Variants in NFYB observed in about 807,000 individuals in gnomAD.
The protein encoded by NFYB is nuclear transcription factor Y subunit beta.
In NFYB, 13 loss-of-function variants were observed where a neutral mutation model predicts 28.0. The ratio of observed to expected loss-of-function variants is 0.46; its 90% CI spans 0.30 to 0.74. NFYB has a LOEUF of 0.74. Ranked by LOEUF, NFYB falls within the 30% of genes least tolerant of loss-of-function variation. The pLI, the probability that NFYB is intolerant of heterozygous loss-of-function variation, is 0.07. For synonymous variants in NFYB, 74 were observed against 75.0 expected (o/e 0.99, Z 0.07); for missense variants, 142 against 247.6 (o/e 0.57, Z 2.86).
chr12:104,128,818 A>G (rs895328095), intron 2 of NFYB, among the ~76,000 whole-genome samples: 4 of 152,122 alleles, frequency 2.6e-5, no homozygotes, highest in Admixed American at 6.5e-5. Flanking sequence ...GGCATGCACC[A>G]CCATGCCTGG....
In NFYB at chr12:104,134,341, C is replaced by T. The variant is rs191924395; in HGVS notation, c.6+1107G>A. 5.9e-5 allele frequency among the ~76,000 whole-genome samples: 9 copies of T among 152,274 alleles called. No homozygotes were observed. The East Asian group carries it at 1.5e-3, about 26-fold the overall frequency. On this transcript the variant is annotated intron_variant, in intron 2 of 7. Coordinates refer to ENST00000240055, the MANE Select transcript of NFYB (RefSeq NM_006166.4). ...ATTGGGAAATGAAATTCACCTTGCCCCATTCCCTGCAACGGGGAAAGGAGG... is the reference window on the plus strand; with the variant it reads ...ATTGGGAAATGAAATTCACCTTGCCTCATTCCCTGCAACGGGGAAAGGAGG...
intron 1 of NFYB, among the ~76,000 whole-genome samples, chr12:104,136,210 C>G (rs1455025391): frequency 6.6e-6 from 1 of 152,128 alleles, no homozygotes; most frequent in Non-Finnish European, 1.5e-5. Context: ...AATAGCTGAA[C>G]AAATTAGTAC....
At chr12:104,129,343 C>T (rs1360324549) in intron 2 of NFYB, among the ~76,000 whole-genome samples, 1 of 152,076 alleles carries the variant, frequency 6.6e-6, no homozygotes, top group Admixed American at 6.6e-5. Context: ...CTGGAATTCA[C>T]CTGTATCCAT....
intron 3 of NFYB, 136 bp from the exon 4 acceptor site, chr12:104,126,380 T>C: frequency 1.6e-6 from 1 of 607,228 alleles, no homozygotes; most frequent in Non-Finnish European, 2.5e-6. Context: ...GGATAGCAAG[T>C]CTCTTCATAA....
At chr12:104,137,001 T>C (rs777314004) in intron 1 of NFYB, among the ~76,000 whole-genome samples, 4 of 152,208 alleles carry the variant, frequency 2.6e-5, no homozygotes, top group Non-Finnish European at 5.9e-5. Context: ...GGAATTTTGG[T>C]TAAACTTTCA....
chr12:104,124,403 AC>A (rs1200236677), intron 4 of NFYB, among the ~76,000 whole-genome samples: 1 of 152,216 alleles, frequency 6.6e-6, no homozygotes, highest in East Asian at 1.9e-4. Context: ...TTGCAAAGCC[AC>A]TTGTAACAGC....
At chr12:104,125,821 CT>C (rs548007292) in intron 4 of NFYB, among the ~76,000 whole-genome samples, 63 of 138,558 alleles carry the variant, frequency 4.5e-4, no homozygotes, top group African/African-American at 1.6e-3. Flanking sequence ...GCACTCCAGC[CT>C]GGCCAATAAG....
At chr12:104,132,723 T>C (rs775250290) in intron 2 of NFYB, among the ~76,000 whole-genome samples, 65 of 151,464 alleles carry the variant, frequency 4.3e-4, no homozygotes, top group Non-Finnish European at 8.4e-4. Context: ...GGGAGGGGAG[T>C]GCTGGACAGT....
At chr12:104,135,861 A>C (rs2031080440) in intron 1 of NFYB, among the ~76,000 whole-genome samples, 1 of 152,224 alleles carries the variant, frequency 6.6e-6, no homozygotes, top group Non-Finnish European at 1.5e-5. Context: ...AAATTATATA[A>C]TATGCAAGAG....
At chr12:104,131,175 C>T (rs1281546331) in intron 2 of NFYB, 1 of 152,222 alleles carries the variant, frequency 6.6e-6, no homozygotes, top group Non-Finnish European at 1.5e-5. Flanking sequence ...GCATTAGCCT[C>T]GCTAAACCTC....
chr12:104,137,867 G>A (rs992169791), intron 1 of NFYB: 1 of 146,848 alleles, frequency 6.8e-6, no homozygotes, highest in African/African-American at 2.4e-5. Context: ...ACGGCGGCGA[G>A]GGTGAGGTGG....
At position 104,119,563 on chromosome 12, in the gene NFYB, A is replaced by C. The variant is rs1253365017; in HGVS notation, c.*174T>G. 70 of 493,964 alleles carry C rather than the reference A, an allele frequency of 1.4e-4. No homozygotes were observed. In the East Asian group the frequency reaches 2.1e-3, roughly 15 times the overall value. The allele number at this position is 493,964 out of a possible 1,614,324, so 30.6% of individuals were successfully genotyped here. A position where few individuals can be genotyped will look rare whatever the true frequency, so the allele number is the denominator to read the frequency against. On this transcript the variant is annotated 3_prime_UTR_variant, in exon 8 of 8. Transcript: ENST00000240055. ...AATTTTTCTTTAAAATCATTCATGA[A>C]AAAGATTCTCAAGTCAGAATTAACA...
chr12:104,129,395 C>T (rs1413009499), intron 2 of NFYB, among the ~76,000 whole-genome samples: 2 of 152,124 alleles, frequency 1.3e-5, no homozygotes, highest in African/African-American at 4.8e-5. Flanking sequence ...TCCTTTTGCT[C>T]CTGCTTGCGA....
intron 3 of NFYB, among the ~76,000 whole-genome samples, chr12:104,126,790 T>C (rs1439129476): frequency 6.6e-6 from 1 of 152,234 alleles, no homozygotes; most frequent in Non-Finnish European, 1.5e-5. Context: ...TAAGAGGTTG[T>C]ATGTTTCTCC....
At chr12:104,128,548 T>C in intron 2 of NFYB, 31 bp from the exon 3 acceptor site, 1 of 1,492,794 alleles carries the variant, frequency 6.7e-7, no homozygotes, top group Non-Finnish European at 9.3e-7. Flanking sequence ...TTTCAATACT[T>C]TTCAAAGTAC....
At chr12:104,127,100 A>T (rs2030743615) in intron 3 of NFYB, among the ~76,000 whole-genome samples, 1 of 152,198 alleles carries the variant, frequency 6.6e-6, no homozygotes, top group Non-Finnish European at 1.5e-5. Context: ...TCCTGTAAGT[A>T]AACTGCCCAC....
intron 4 of NFYB, among the ~76,000 whole-genome samples, 196 bp downstream of exon 4, chr12:104,125,918 G>A (rs2030693332): frequency 6.6e-6 from 1 of 151,388 alleles, no homozygotes; most frequent in African/African-American, 2.4e-5. Flanking sequence ...TGGGAGAGAG[G>A]AGAACATTTA....
intron 2 of NFYB, among the ~76,000 whole-genome samples, chr12:104,134,555 C>G (rs1354955676): frequency 6.6e-6 from 1 of 152,178 alleles, no homozygotes; most frequent in African/African-American, 2.4e-5. Flanking sequence ...ACCACCCAGC[C>G]CATCTTAACA....
Position 104,119,727 on chromosome 12 carries a change from T to C in NFYB, c.*10A>G. ...TTTCTCTACACTCCCCATTCCATCA[T>C]TTCTTCAGATCATGAAAACTGAATT... is the stretch of plus-strand genomic sequence containing the variant. On this transcript the variant is annotated 3_prime_UTR_variant, in exon 8 of 8. Coordinates refer to ENST00000240055, the MANE Select transcript of NFYB (RefSeq NM_006166.4). 1 of 1,596,644 alleles carries C rather than the reference T, an allele frequency of 6.3e-7. No individual in the cohort carries two copies. Among genetic ancestry groups the C allele is most frequent in the Non-Finnish European group, 8.6e-7 (1 of 1,165,316 alleles).
Sources: gnomAD v4.1 joint callset for allele counts (sites outside exome capture counted in the v4.1 genomes callset) on GRCh38, gnomAD v4.1.1 for gene constraint, MANE v1.5 for transcripts, NCBI Gene and HGNC (gene_info 2026-07-23, HGNC 2026-07-21) for gene names.